Variants in SUGCT observed in about 807,000 individuals in gnomAD.
SUGCT encodes succinyl-CoA:glutarate CoA-transferase.
Under a neutral mutation model 55.0 loss-of-function variants are expected in SUGCT, and 41 were observed. The observed-to-expected ratio is 0.74, with a 90% CI of 0.58 to 0.97. The LOEUF is 0.97. Ranked by LOEUF, SUGCT falls within the 50% of genes least tolerant of loss-of-function variation. The probability of loss-of-function intolerance (pLI) is 0.00; values close to 1 mark genes in which losing one functional copy is unlikely to be tolerated. For missense variants in SUGCT, 568 were observed against 547.8 expected, an observed-to-expected ratio of 1.04 and a Z score of -0.37; for synonymous variants, 187 against 200.4, an observed-to-expected ratio of 0.93 and a Z score of 0.56.
intron 12 of SUGCT, among the ~76,000 whole-genome samples, chr7:40,587,884 CT>C (rs1163489634): frequency 6.7e-6 from 1 of 149,750 alleles, no homozygotes; most frequent in Non-Finnish European, 1.5e-5. Flanking sequence ...TTTTATATTT[CT>C]TTTTCTTCTT....
chr7:40,159,560 G>A (rs1037480006), intron 1 of SUGCT, among the ~76,000 whole-genome samples: 5 of 151,978 alleles, frequency 3.3e-5, no homozygotes, highest in South Asian at 2.1e-4. Flanking sequence ...TAGTAGAGAC[G>A]AGGATTCACC....
At chr7:40,610,731 G>C (rs539854056) in intron 12 of SUGCT, among the ~76,000 whole-genome samples, 1 of 152,280 alleles carries the variant, frequency 6.6e-6, no homozygotes, top group East Asian at 1.9e-4. Context: ...TAGTGATTCT[G>C]GACTGCCCTT....
the SUGCT span, among the ~76,000 whole-genome samples, chr7:40,945,733 G>A: frequency 1.1e-4 from 17 of 152,294 alleles, no homozygotes; most frequent in East Asian, 2.5e-3. Context: ...CTCCCTTGAT[G>A]TGATGGACTT....
chr7:40,271,785 A>G (rs1303540433), intron 7 of SUGCT, among the ~76,000 whole-genome samples: 2 of 151,796 alleles, frequency 1.3e-5, no homozygotes, highest in African/African-American at 2.4e-5. Context: ...TATTTCTTCC[A>G]TCTAAGCGTA....
At chr7:40,475,448 A>T (rs958691047) in intron 11 of SUGCT, among the ~76,000 whole-genome samples, 5 of 152,228 alleles carry the variant, frequency 3.3e-5, no homozygotes, top group African/African-American at 1.2e-4. Context: ...GAAATCCAGG[A>T]ATACTTTGTC....
At chr7:40,545,491 A>G (rs1243861287) in intron 12 of SUGCT, among the ~76,000 whole-genome samples, 4 of 152,208 alleles carry the variant, frequency 2.6e-5, no homozygotes, top group Non-Finnish European at 4.4e-5. Flanking sequence ...ATCCTGACTT[A>G]ATGGCTAATT....
chr7:40,807,579 G>A (rs192940588), intron 13 of SUGCT, among the ~76,000 whole-genome samples: 1 of 152,274 alleles, frequency 6.6e-6, no homozygotes, highest in East Asian at 1.9e-4. Context: ...GGAAGAAGCT[G>A]GACAAACAGA....
At chr7:41,021,631 A>G in the SUGCT span, among the ~76,000 whole-genome samples, 1 of 152,018 alleles carries the variant, frequency 6.6e-6, no homozygotes, top group Non-Finnish European at 1.5e-5. Flanking sequence ...ACCCCCAAGA[A>G]CTAGAGGTCA....
At chr7:40,656,236 CT>C (rs11362084) in intron 12 of SUGCT, among the ~76,000 whole-genome samples, 30,218 of 144,740 alleles carry the variant, frequency 0.21, 5,937 homozygotes, top group African/African-American at 0.52. Flanking sequence ...ATCATAGCAT[CT>C]TTTTTTTTTT....
chr7:40,431,920 G>C (rs1787913445), intron 9 of SUGCT, among the ~76,000 whole-genome samples: 1 of 152,080 alleles, frequency 6.6e-6, no homozygotes, highest in Non-Finnish European at 1.5e-5. Context: ...TTTCTTTTAG[G>C]TGGAATCATT....
chr7:40,150,659 G>GA (rs1187488951), intron 1 of SUGCT, among the ~76,000 whole-genome samples: 5 of 149,492 alleles, frequency 3.3e-5, no homozygotes, highest in Non-Finnish European at 7.4e-5. Flanking sequence ...GAACAAGAGC[G>GA]AAACTACACA....
chr7:40,352,449 C>T (rs1797681684), intron 9 of SUGCT, among the ~76,000 whole-genome samples: 1 of 151,742 alleles, frequency 6.6e-6, no homozygotes, highest in Non-Finnish European at 1.5e-5. Flanking sequence ...TTTTTCAATC[C>T]TCTCCCTCCT....
In SUGCT at chr7:40,496,368, T is replaced by C. The variant is rs774446031; in HGVS notation, c.1071T>C (p.Asn357=). The C allele has an allele frequency of 3.7e-6, 6 of 1,612,028 alleles. No homozygotes were observed. The African/African-American group carries it at 5.3e-5, about 14-fold the overall frequency. ...ATGGCCCAATCAACAACATGAAGAA[T>C]GTATTTGCAGAACCTCAGGTTTGTT... ...VPYGPINNMK[N]VFAEPQVLHN... Residue 357 remains asparagine, a synonymous_variant, in exon 12 of 14, where the codon AAT becomes AAC. Coordinates refer to ENST00000335693, the MANE Select transcript of SUGCT (RefSeq NM_001193313.2).
chr7:40,567,581 T>C (rs1198361931), intron 12 of SUGCT, among the ~76,000 whole-genome samples: 1 of 152,178 alleles, frequency 6.6e-6, no homozygotes. Context: ...CTTCCTCCTC[T>C]CTATCCTCTG....
chr7:40,781,887 T>G (rs1214904925), intron 13 of SUGCT, among the ~76,000 whole-genome samples: 1 of 152,164 alleles, frequency 6.6e-6, no homozygotes, highest in Admixed American at 6.6e-5. Context: ...ACTGTTAGAT[T>G]GTTTTGTAAT....
chr7:40,285,181 T>C (rs760882020), intron 8 of SUGCT, among the ~76,000 whole-genome samples: 1 of 152,118 alleles, frequency 6.6e-6, no homozygotes, highest in Non-Finnish European at 1.5e-5. Context: ...TCAAATGTTC[T>C]TAAACAATAG....
rs1794879477 is a variant in SUGCT, at chr7:40,306,912, G to A, written c.721-9848G>A. Among the ~76,000 whole-genome samples the A allele has an allele frequency of 2.0e-5, 3 of 152,140 alleles. 1 individual carries two copies. In the South Asian group the frequency reaches 6.2e-4, roughly 32 times the overall value. On this transcript the variant is annotated intron_variant, in intron 8 of 13. Transcript: ENST00000335693. ...CTGTCTGGTCTTACCTCTGGCATTT[G>A]ATATCCAGTTTCCTCATATGTCTGA...
At chr7:40,452,112 A>G (rs1386181087) in intron 10 of SUGCT, among the ~76,000 whole-genome samples, 1 of 152,232 alleles carries the variant, frequency 6.6e-6, no homozygotes, top group Non-Finnish European at 1.5e-5. Flanking sequence ...GAGGAGCTAT[A>G]TTAGTGAGCT....
chr7:40,291,237 A>G (rs1378201906), intron 8 of SUGCT, among the ~76,000 whole-genome samples: 1 of 152,036 alleles, frequency 6.6e-6, no homozygotes, highest in Non-Finnish European at 1.5e-5. Flanking sequence ...TCACAATAGC[A>G]AAGACTTGGA....
Sources: gnomAD v4.1 joint callset for allele counts (sites outside exome capture counted in the v4.1 genomes callset) on GRCh38, gnomAD v4.1.1 for gene constraint, MANE v1.5 for transcripts, NCBI Gene and HGNC (gene_info 2026-07-23, HGNC 2026-07-21) for gene names.